RBBP6: variants seen among roughly 807,000 people sequenced by gnomAD.
RBBP6 encodes the protein E3 ubiquitin-protein ligase RBBP6.
A neutral mutation model predicts 167.7 loss-of-function variants in RBBP6; 25 were observed. The ratio of observed to expected loss-of-function variants is 0.15; its 90% CI spans 0.11 to 0.21. RBBP6 has a LOEUF of 0.21. RBBP6 is among the 10% of genes least tolerant of loss of function. The pLI is 1.00. For synonymous variants in RBBP6, 789 were observed against 735.8 expected (o/e 1.07, Z -1.17); for missense variants, 1,868 against 2,134.2 (o/e 0.88, Z 2.46).
At position 24,571,842 on chromosome 16, in the gene RBBP6, C is replaced by A; in HGVS notation, c.4776C>A (p.Asn1592Lys). 1 of 1,614,066 alleles carries A rather than the reference C, an allele frequency of 6.2e-7. No individual in the cohort carries two copies. The highest frequency in any genetic ancestry group is 8.5e-7 in the Non-Finnish European group (1 of 1,179,990). Residue 1592 changes from asparagine to lysine, a missense_variant, in exon 18 of 18, where the codon AAC (asparagine) becomes AAA (lysine). Physicochemically the swap from Asn to Lys is moderately conservative, Grantham distance 94 (BLOSUM62 0). Transcript: ENST00000319715. ...SSGNKLLYIL[N>K]PPETQVEKEQ... is the part of the protein sequence containing the mutation. ...GCAATAAACTACTTTATATACTTAA[C>A]CCACCAGAGACACAGGTTGAAAAAG...
rs1899124254 is a variant in RBBP6 at position 24,563,624 on chromosome 16, A to G, written c.1480A>G (p.Asn494Asp). Reference protein sequence around the residue: ...LIPTTGPVRINTARPGGGRPG... With the variant: ...LIPTTGPVRIDTARPGGGRPG... ...TTTGTTTCTAGGTCCAGTAAGAATAAATACTGCTCGTCCAGGTGGTGGTCG... is the reference window on the plus strand; with the variant it reads ...TTTGTTTCTAGGTCCAGTAAGAATAGATACTGCTCGTCCAGGTGGTGGTCG... Residue 494 changes from asparagine to aspartate, a missense_variant, in exon 13 of 18, where the codon AAT (asparagine) becomes GAT (aspartate). Around this residue, in one of 7 missense-constraint regions of RBBP6, gnomAD observed 245 missense variants for 240.1 expected, o/e 1.02. Coordinates refer to ENST00000319715, the MANE Select transcript of RBBP6 (RefSeq NM_006910.5). The G allele has an allele frequency of 6.2e-7, 1 of 1,612,518 alleles. No individual in the cohort carries two copies. Among genetic ancestry groups the G allele is most frequent in the Admixed American group, 1.7e-5 (1 of 59,778 alleles).
rs369777648 is a variant in RBBP6, at chr16:24,568,733, T to C, written c.2055-12T>C. On this transcript the variant is annotated splice_polypyrimidine_tract_variant and intron_variant, in intron 16 of 17. Coordinates refer to ENST00000319715, the MANE Select transcript of RBBP6 (RefSeq NM_006910.5). Reference sequence around the variant, plus strand: ...TTCTCAACTATCAACTATTGTTTTGTTTTGTTTTTAGGTCTAAATCTCCCT... The same window carrying C: ...TTCTCAACTATCAACTATTGTTTTGCTTTGTTTTTAGGTCTAAATCTCCCT... 38 of 1,596,162 alleles carry C rather than the reference T, an allele frequency of 2.4e-5. No homozygotes were observed. The highest frequency in any genetic ancestry group is 1.7e-4 in the Middle Eastern group (1 of 5,864).
intron 8 of RBBP6, among the ~76,000 whole-genome samples, chr16:24,561,068 C>G (rs1426710734): frequency 6.6e-6 from 1 of 151,714 alleles, no homozygotes; most frequent in African/African-American, 2.4e-5. Context: ...GTGTTGCTCC[C>G]ACGTACTGTG....
In RBBP6 at chr16:24,540,664, A is replaced by G. The variant is rs770641191; in HGVS notation, c.38A>G (p.Asn13Ser). Residue 13 changes from asparagine (N) to serine (S), a missense_variant, in exon 1 of 18, where the codon AAC becomes AGC. Transcript: ENST00000319715. ...CVHYKFSSKL[N>S]YDTVTFDGLH... ...CATTATAAATTTTCCTCTAAACTCAACTATGATACCGTCACCTTTGATGGG... is the reference window on the plus strand; with the variant it reads ...CATTATAAATTTTCCTCTAAACTCAGCTATGATACCGTCACCTTTGATGGG... The G allele has an allele frequency of 3.3e-5, 54 of 1,613,926 alleles. No individual in the cohort carries two copies. In the Admixed American group the frequency reaches 5.8e-4, roughly 17 times the overall value.
At position 24,561,317 on chromosome 16, in the gene RBBP6, C is replaced by G. The variant is rs138576085; in HGVS notation, c.848-295C>G. On this transcript the variant is annotated intron_variant, in intron 8 of 17. Coordinates refer to ENST00000319715, the MANE Select transcript of RBBP6 (RefSeq NM_006910.5). ...TTTGCCCCAGGCTAGCCTTGAACTT[C>G]TAGGCTCAAGTGATTCTCCTGTCCC... Among the ~76,000 whole-genome samples, 483 of 151,868 alleles carry G rather than the reference C, an allele frequency of 3.2e-3. 4 individuals are homozygous for G. The highest frequency in any genetic ancestry group is 0.011 in the African/African-American group (469 of 41,468).
chr16:24,552,323 T>C (rs1269283108), intron 3 of RBBP6, among the ~76,000 whole-genome samples: 1 of 151,860 alleles, frequency 6.6e-6, no homozygotes, highest in East Asian at 1.9e-4. Context: ...TCTTAAGTCA[T>C]GTTGCTTTTA....
chr16:24,565,388 C>G (rs1899170256), intron 14 of RBBP6, among the ~76,000 whole-genome samples: 1 of 152,222 alleles, frequency 6.6e-6, no homozygotes. Flanking sequence ...AAGAATCTTA[C>G]TGTCTAGGTC....
Position 24,570,471 on chromosome 16 carries a change from T to C in RBBP6, c.3781T>C (p.Ser1261Pro). 1 of 1,594,574 alleles carries C rather than the reference T, an allele frequency of 6.3e-7. No homozygotes were observed. The highest frequency in any genetic ancestry group is 2.2e-5 in the East Asian group (1 of 44,806). The change falls in exon 17 of 18, where the codon TCC becomes CCC. Residue 1261 changes from serine (S) to proline (P), a missense_variant. By Grantham distance (74) the Ser-to-Pro change is moderately conservative (BLOSUM62 -1). This residue lies in a region of RBBP6 where 673 missense variants were observed against 691.5 expected (regional missense o/e 0.97). Transcript: ENST00000319715. ...ACGAAAAGTGACTGGAACTGAAGGA[T>C]CCAGCTCAACTCTGGTGGATTACAC... The part of the protein sequence containing the change: ...VRRKVTGTEG[S>P]SSTLVDYTST...
chr16:24,570,426 A>C lies in RBBP6; in HGVS notation c.3736A>C (p.Lys1246Gln). The stretch of plus-strand genomic sequence containing the variant: ...AACATCTAGCAAAGTTAAACAAGAA[A>C]AAGTCAAAGGAAAGGTCAGACGAAA... ...ESTSSKVKQE[K>Q]VKGKVRRKVT... Residue 1246 changes from lysine (K) to glutamine (Q), a missense_variant, in exon 17 of 18, where the codon AAA (lysine) becomes CAA (glutamine). Around this residue, in one of 7 missense-constraint regions of RBBP6, gnomAD observed 673 missense variants for 691.5 expected, o/e 0.97. Coordinates refer to ENST00000319715, the MANE Select transcript of RBBP6 (RefSeq NM_006910.5). 1 of 1,609,536 alleles carries C rather than the reference A, an allele frequency of 6.2e-7. No homozygotes were observed. Among genetic ancestry groups the C allele is most frequent in the Non-Finnish European group, 8.5e-7 (1 of 1,179,102 alleles).
rs759055307 is a variant in RBBP6, at chr16:24,541,202, AACC to A, written c.166+412_166+414del. ...TCAGCAAAAAAAAAAACAAAAAAAA[AACC>A]AAAAAAACAATTTTCTAACCTAACA... On this transcript the variant is annotated intron_variant, in intron 1 of 17. Transcript: ENST00000319715. Among the ~76,000 whole-genome samples the A allele has an allele frequency of 5.8e-3, 386 of 66,538 alleles. 15 individuals are homozygous for A. The highest frequency in any genetic ancestry group is 0.011 in the Middle Eastern group (1 of 90). The allele number at this position is 66,538 out of a possible 152,430, so 43.7% of individuals were successfully genotyped here. A position where few individuals can be genotyped will look rare whatever the true frequency, so the allele number is the denominator to read the frequency against.
At position 24,546,261 on chromosome 16, in the gene RBBP6, A is replaced by T. The variant is rs764235947; in HGVS notation, c.265A>T (p.Ile89Leu). 1 of 1,562,334 alleles carries T rather than the reference A, an allele frequency of 6.4e-7. No individual in the cohort carries two copies. Among genetic ancestry groups the T allele is most frequent in the African/African-American group, 1.4e-5 (1 of 71,684 alleles). Residue 89 changes from isoleucine (I) to leucine (L), a missense_variant and splice_region_variant, in exon 2 of 18, where the codon ATA becomes TTA. By Grantham distance (5) the Ile-to-Leu change is conservative. Around this residue, in one of 7 missense-constraint regions of RBBP6, gnomAD observed 184 missense variants for 327.7 expected, o/e 0.56. Transcript: ENST00000319715. ...TAAATCTACAAGCAAGACATATGTTATGTAAGTATCAAATCTCATGTATTT... is the reference window on the plus strand; with the variant it reads ...TAAATCTACAAGCAAGACATATGTTTTGTAAGTATCAAATCTCATGTATTT... ...GVKSTSKTYV[I>L]SRTEPAMATT...
chr16:24,558,488 C>T (rs1898972218), intron 7 of RBBP6: 3 of 984,234 alleles, frequency 3.0e-6, no homozygotes, highest in Non-Finnish European at 3.6e-6. Flanking sequence ...TTTCTGGAAT[C>T]GTGGTGATGT....
intron 1 of RBBP6, among the ~76,000 whole-genome samples, chr16:24,544,238 A>T (rs1221424166): frequency 6.6e-6 from 1 of 152,122 alleles, no homozygotes; most frequent in Non-Finnish European, 1.5e-5. Context: ...ATTAACTTTT[A>T]AAAAAATCTA....
intron 3 of RBBP6, among the ~76,000 whole-genome samples, chr16:24,552,654 G>A (rs1898824541): frequency 6.6e-6 from 1 of 151,754 alleles, no homozygotes. Flanking sequence ...AACAGTTTAT[G>A]AAGGTGGCTC....
Position 24,570,478 on chromosome 16 carries a change from C to G in RBBP6, c.3788C>G (p.Ser1263Ter). 1 of 1,588,662 alleles carries G rather than the reference C, an allele frequency of 6.3e-7. No homozygotes were observed. The highest frequency in any genetic ancestry group is 8.5e-7 in the Non-Finnish European group (1 of 1,173,442). Reference sequence around the variant, plus strand: ...GTGACTGGAACTGAAGGATCCAGCTCAACTCTGGTGGATTACACCAGGTAG... The same window carrying G: ...GTGACTGGAACTGAAGGATCCAGCTGAACTCTGGTGGATTACACCAGGTAG... ...RKVTGTEGSS[S>*]TLVDYTSTSS... The change falls in exon 17 of 18, where the codon TCA (serine) becomes TGA (stop). Residue 1263 changes from serine (S) to a stop codon, truncating the protein, a stop_gained. Coordinates refer to ENST00000319715, the MANE Select transcript of RBBP6 (RefSeq NM_006910.5). LOFTEE classifies it high-confidence loss of function.
chr16:24,550,388 A>G (rs1898770849), intron 3 of RBBP6, among the ~76,000 whole-genome samples: 1 of 142,928 alleles, frequency 7.0e-6, no homozygotes, highest in Non-Finnish European at 1.5e-5. Context: ...TTTTTTAAGC[A>G]TAATGCTGTA....
intron 3 of RBBP6, chr16:24,549,524 CCAAGTTCAAACACAT>C (rs934987490): frequency 6.4e-6 from 2 of 314,848 alleles, no homozygotes; most frequent in Non-Finnish European, 9.2e-6. Context: ...GATGCTTTCT[CCAAGTTCAAACACAT>C]CATAGAAAAG....
At chr16:24,544,622 T>C (rs1898590023) in intron 1 of RBBP6, among the ~76,000 whole-genome samples, 1 of 152,232 alleles carries the variant, frequency 6.6e-6, no homozygotes, top group African/African-American at 2.4e-5. Flanking sequence ...GGTTGTGTGA[T>C]TAAAGGAGAT....
In RBBP6 at chr16:24,561,709, A is replaced by G. The variant is rs1239563166; in HGVS notation, c.945A>G (p.Leu315=). 1 of 1,613,460 alleles carries G rather than the reference A, an allele frequency of 6.2e-7. No individual in the cohort carries two copies. Residue 315 remains leucine (L), a synonymous_variant, in exon 9 of 18, where the codon TTA becomes TTG. Transcript: ENST00000319715. ...SPDALIANKF[L]RQAVNNFKNE... ...ATGCTTTAATTGCCAATAAATTTTTACGACAGGTAACTGTCTGTATCCATT... is the reference window on the plus strand; with the variant it reads ...ATGCTTTAATTGCCAATAAATTTTTGCGACAGGTAACTGTCTGTATCCATT...
Sources: gnomAD v4.1 joint callset for allele counts (sites outside exome capture counted in the v4.1 genomes callset) on GRCh38, gnomAD v4.1.1 for gene constraint, gnomAD v4.1.1 regional missense constraint, MANE v1.5 for transcripts, NCBI Gene and HGNC (gene_info 2026-07-23, HGNC 2026-07-21) for gene names.